Variants in MALRD1 observed in about 807,000 individuals in gnomAD.
MALRD1 encodes MAM and LDL receptor class A domain containing 1.
Under a neutral mutation model 242.1 loss-of-function variants are expected in MALRD1, and 247 were observed. The ratio of observed to expected loss-of-function variants is 1.02; its 90% CI spans 0.92 to 1.13. MALRD1 has a LOEUF of 1.13. Among genes scored for constraint, MALRD1 ranks in the 50% most tolerant of loss-of-function variants. The pLI is 0.00. For missense variants in MALRD1, 2,989 were observed against 2,533.1 expected, an observed-to-expected ratio of 1.18 and a Z score of -3.86; for synonymous variants, 995 against 866.6, an observed-to-expected ratio of 1.15 and a Z score of -2.60.
chr10:19,067,514 G>A (rs1835016988), intron 2 of MALRD1, among the ~76,000 whole-genome samples: 1 of 152,092 alleles, frequency 6.6e-6, no homozygotes, highest in East Asian at 1.9e-4. Flanking sequence ...TTTTATAAGT[G>A]ATACTTCCCT....
At chr10:19,432,282 T>C (rs565301816) in intron 28 of MALRD1, among the ~76,000 whole-genome samples, 2 of 152,334 alleles carry the variant, frequency 1.3e-5, no homozygotes, top group African/African-American at 2.4e-5. Context: ...ATATCACCTA[T>C]GTAAATGAAA....
At chr10:19,720,561 C>T (rs1834696052) in intron 38 of MALRD1, among the ~76,000 whole-genome samples, 1 of 152,140 alleles carries the variant, frequency 6.6e-6, no homozygotes, top group African/African-American at 2.4e-5. Flanking sequence ...TCCATCCTGC[C>T]TCTAATAAAT....
chr10:19,184,997 A>T (rs75297204), intron 14 of MALRD1, among the ~76,000 whole-genome samples: 1 of 152,228 alleles, frequency 6.6e-6, no homozygotes, highest in African/African-American at 2.4e-5. Context: ...TTTCATGATT[A>T]TGCAAATACT....
chr10:19,482,658 C>CACACACAA (rs1175982180), intron 29 of MALRD1, among the ~76,000 whole-genome samples: 3 of 148,522 alleles, frequency 2.0e-5, no homozygotes, highest in African/African-American at 7.5e-5. Flanking sequence ...TAGCTACACA[C>CACACACAA]ACACACACAC....
intron 11 of MALRD1, among the ~76,000 whole-genome samples, chr10:19,152,588 C>A (rs1017530918): frequency 1.3e-5 from 2 of 151,782 alleles, no homozygotes; most frequent in African/African-American, 4.8e-5. Flanking sequence ...ATTAATTTTG[C>A]TATCAGGAGT....
chr10:19,431,411 T>C (rs1166335616), intron 28 of MALRD1, among the ~76,000 whole-genome samples: 1 of 152,234 alleles, frequency 6.6e-6, no homozygotes, highest in Non-Finnish European at 1.5e-5. Context: ...AAATAGCTTT[T>C]CTATTTTGGA....
At chr10:19,322,160 A>G (rs939406284) in intron 21 of MALRD1, among the ~76,000 whole-genome samples, 10 of 152,156 alleles carry the variant, frequency 6.6e-5, no homozygotes, top group Non-Finnish European at 1.5e-4. Context: ...TAAATAAATC[A>G]TATACATATA....
chr10:19,411,205 A>G (rs1054768706), intron 28 of MALRD1, among the ~76,000 whole-genome samples: 4 of 152,174 alleles, frequency 2.6e-5, no homozygotes, highest in African/African-American at 9.7e-5. Context: ...TCGAGAAGAT[A>G]TTGTTCAGAC....
chr10:19,219,023 G>A (rs1005692012), intron 18 of MALRD1, among the ~76,000 whole-genome samples: 2 of 152,078 alleles, frequency 1.3e-5, no homozygotes, highest in Admixed American at 1.3e-4. Flanking sequence ...TCTGAAAAAT[G>A]TGTTTATTTA....
At chr10:19,420,049 C>T (rs867698387) in intron 28 of MALRD1, among the ~76,000 whole-genome samples, 1 of 152,098 alleles carries the variant, frequency 6.6e-6, no homozygotes, top group Non-Finnish European at 1.5e-5. Flanking sequence ...CAAGATACTT[C>T]TATAGAAGGT....
At chr10:19,534,997 T>C (rs890853703) in intron 32 of MALRD1, among the ~76,000 whole-genome samples, 22 of 152,026 alleles carry the variant, frequency 1.4e-4, no homozygotes, top group Non-Finnish European at 2.5e-4. Context: ...GCGATTCTCC[T>C]GCCTCAGCTT....
In MALRD1 at chr10:19,203,772, G is replaced by A; in HGVS notation, c.1996G>A (p.Ala666Thr). The A allele has an allele frequency of 6.5e-7, 1 of 1,549,934 alleles. No homozygotes were observed. The highest frequency in any genetic ancestry group is 8.7e-7 in the Non-Finnish European group (1 of 1,146,458). The change falls in exon 15 of 40, where the codon GCA (alanine) becomes ACA (threonine). Residue 666 changes from alanine (A) to threonine (T), a missense_variant. Coordinates refer to ENST00000454679, the MANE Select transcript of MALRD1 (RefSeq NM_001142308.3). ...AGCAAACAGCTGTGATTGGTTTGAA[G>A]CAATTAGTGGTGACCATTTTGACTG... is the stretch of plus-strand genomic sequence containing the variant. ...FEANSCDWFE[A>T]ISGDHFDWIR...
chr10:19,214,989 C>T (rs770512194), intron 18 of MALRD1, among the ~76,000 whole-genome samples: 7 of 152,162 alleles, frequency 4.6e-5, no homozygotes, highest in Non-Finnish European at 7.4e-5. Flanking sequence ...TTTGACCTTC[C>T]ACAAAGTCAA....
chr10:19,154,306 G>C (rs118185610), intron 11 of MALRD1, among the ~76,000 whole-genome samples: 1 of 152,120 alleles, frequency 6.6e-6, no homozygotes, highest in Non-Finnish European at 1.5e-5. Context: ...TGTGCAGTCG[G>C]CATTGACTTG....
intron 18 of MALRD1, among the ~76,000 whole-genome samples, chr10:19,216,960 A>AT (rs1554813114): frequency 0.087 from 3,081 of 35,224 alleles, 129 homozygotes; most frequent in East Asian, 0.28. Flanking sequence ...AAAAAAAAAT[A>AT]AAAATAAAAT....
At position 19,254,994 on chromosome 10, in the gene MALRD1, A is replaced by G. The variant is rs190209577; in HGVS notation, c.2992-2690A>G. Among the ~76,000 whole-genome samples, 30 of 152,068 alleles carry G rather than the reference A, an allele frequency of 2.0e-4. No individual in the cohort carries two copies. In the East Asian group the frequency reaches 5.8e-3, roughly 29 times the overall value. On this transcript the variant is annotated intron_variant, in intron 18 of 39. Coordinates refer to ENST00000454679, the MANE Select transcript of MALRD1 (RefSeq NM_001142308.3). The stretch of plus-strand genomic sequence containing the variant: ...GTCATTCAGTTTCCTAAATACATAG[A>G]AGGATGAGTTCAGGAAAGTTGCTAG...
chr10:19,321,617 C>G (rs564182703), intron 21 of MALRD1, among the ~76,000 whole-genome samples: 20 of 152,170 alleles, frequency 1.3e-4, no homozygotes, highest in South Asian at 2.1e-4. Flanking sequence ...TTTGTCTTTT[C>G]TTTTTGTTAG....
chr10:19,717,400 A>T (rs77977065), intron 38 of MALRD1, among the ~76,000 whole-genome samples: 2,183 of 152,300 alleles, frequency 0.014, 28 homozygotes, highest in African/African-American at 0.036. Flanking sequence ...GCAGATGGTG[A>T]TGAAGAAGAC....
chr10:19,452,040 C>G (rs1288112137), intron 29 of MALRD1, among the ~76,000 whole-genome samples: 2 of 152,126 alleles, frequency 1.3e-5, no homozygotes, highest in Non-Finnish European at 2.9e-5. Flanking sequence ...TGAACTCTCT[C>G]CTAGTAACTT....
Sources: allele counts gnomAD v4.1 joint callset (sites outside exome capture counted in the v4.1 genomes callset), GRCh38; gene constraint gnomAD v4.1.1; transcripts MANE v1.5; gene names NCBI Gene and HGNC (gene_info 2026-07-23, HGNC 2026-07-21).